The following IPO11 variants were observed in gnomAD, a reference collection of about 807,000 sequenced individuals.
IPO11 encodes importin-11.
A neutral mutation model predicts 143.2 loss-of-function variants in IPO11; 66 were observed. The ratio of observed to expected loss-of-function variants is 0.46; its 90% CI spans 0.38 to 0.57. The LOEUF (loss-of-function observed/expected upper bound fraction) is 0.57, where lower values mean the gene tolerates loss of function less well. Among genes scored for constraint, IPO11 ranks in the 20% least tolerant of loss-of-function variants. The pLI is 0.00. For missense variants in IPO11, 1,026 were observed against 1,141.0 expected, an observed-to-expected ratio of 0.90 and a Z score of 1.45; for synonymous variants, 385 against 377.8, an observed-to-expected ratio of 1.02 and a Z score of -0.22.
intron 1 of IPO11, chr5:62,418,922 C>A (rs1037276290): frequency 2.8e-6 from 4 of 1,421,732 alleles, no homozygotes; most frequent in African/African-American, 2.8e-5. Flanking sequence ...ATAGAAGATA[C>A]AGTCACGAGT....
chr5:62,452,564 A>AC (rs1191829071), intron 5 of IPO11, among the ~76,000 whole-genome samples: 1 of 150,942 alleles, frequency 6.6e-6, no homozygotes, highest in Non-Finnish European at 1.5e-5. Context: ...CGTCTGGGTA[A>AC]CTGAAGGATG....
At chr5:62,614,973 C>T (rs1746076265) in intron 29 of IPO11, among the ~76,000 whole-genome samples, 1 of 152,228 alleles carries the variant, frequency 6.6e-6, no homozygotes, top group South Asian at 2.1e-4. Flanking sequence ...TGGCCAATCT[C>T]CTTTCCTACC....
At chr5:62,623,796 C>G (rs751629033) in intron 29 of IPO11, among the ~76,000 whole-genome samples, 2 of 151,056 alleles carry the variant, frequency 1.3e-5, no homozygotes, top group Non-Finnish European at 3.0e-5. Context: ...TTGTATTTTT[C>G]TAGTAGAGAT....
chr5:62,600,186 C>G (rs1391514824), intron 28 of IPO11, among the ~76,000 whole-genome samples: 8 of 152,092 alleles, frequency 5.3e-5, no homozygotes, highest in African/African-American at 7.2e-5. Flanking sequence ...ATTACAGGAG[C>G]CTGCCACCAC....
At chr5:62,417,631 G>C (rs1278386984) in intron 1 of IPO11, among the ~76,000 whole-genome samples, 5 of 152,034 alleles carry the variant, frequency 3.3e-5, no homozygotes, top group Admixed American at 3.3e-4. Context: ...AAAACCTTCA[G>C]ATAAAAATCC....
chr5:62,506,006 G>C (rs1352856647), intron 18 of IPO11, among the ~76,000 whole-genome samples: 2 of 152,186 alleles, frequency 1.3e-5, no homozygotes, highest in African/African-American at 4.8e-5. Context: ...TTGTAGATGA[G>C]TTAAATTCTG....
chr5:62,536,606 C>G, intron 22 of IPO11, 96 bp from the exon 23 acceptor site: 1 of 1,393,234 alleles, frequency 7.2e-7, no homozygotes, highest in African/African-American at 1.5e-5. Context: ...CTAGAGTATG[C>G]AAATTAGTTT....
intron 1 of IPO11, among the ~76,000 whole-genome samples, chr5:62,427,825 C>T (rs1743813601): frequency 6.6e-6 from 1 of 152,094 alleles, no homozygotes; most frequent in Admixed American, 6.6e-5. Flanking sequence ...AGGTTGGGGG[C>T]TGGTGTCATA....
intron 19 of IPO11, among the ~76,000 whole-genome samples, chr5:62,508,482 T>C (rs1741636877): frequency 6.6e-6 from 1 of 152,004 alleles, no homozygotes; most frequent in South Asian, 2.1e-4. Flanking sequence ...AGCAAACATT[T>C]TGAGCCATCT....
At chr5:62,625,612 A>G (rs1746538502) in intron 29 of IPO11, among the ~76,000 whole-genome samples, 1 of 152,248 alleles carries the variant, frequency 6.6e-6, no homozygotes, top group African/African-American at 2.4e-5. Context: ...AGCCAAGAGC[A>G]TATGGAAGTA....
In IPO11 at chr5:62,487,830, T is replaced by G. The variant is rs758343039; in HGVS notation, c.1278T>G (p.Pro426=). ...ATGAATATAATCAGACTCTTACTCC[T>G]GTACTTCTAGAAATGATGCAAACAC... ...IFHEYNQTLT[P]VLLEMMQTLQ... is the part of the protein sequence containing the mutation. The change falls in exon 13 of 30, where the codon CCT becomes CCG. Residue 426 remains proline, a synonymous_variant. Coordinates refer to ENST00000325324, the MANE Select transcript of IPO11 (RefSeq NM_016338.5). The G allele has an allele frequency of 6.2e-7, 1 of 1,610,552 alleles. No individual in the cohort carries two copies. The highest frequency in any genetic ancestry group is 2.2e-5 in the East Asian group (1 of 44,724).
intron 29 of IPO11, among the ~76,000 whole-genome samples, chr5:62,609,086 A>G (rs1011164129): frequency 6.6e-6 from 1 of 152,130 alleles, no homozygotes; most frequent in Non-Finnish European, 1.5e-5. Flanking sequence ...CTGCTGGCTC[A>G]CCATGTTGGT....
chr5:62,501,585 G>T (rs1382946373), intron 16 of IPO11, among the ~76,000 whole-genome samples: 1 of 152,060 alleles, frequency 6.6e-6, no homozygotes, highest in Non-Finnish European at 1.5e-5. Flanking sequence ...AGGAGGAGAT[G>T]AATACATCAA....
At chr5:62,451,582 G>A in intron 4 of IPO11, 148 bp from the exon 5 acceptor site, 1 of 681,598 alleles carries the variant, frequency 1.5e-6, no homozygotes, top group Non-Finnish European at 2.5e-6. Flanking sequence ...GGGTCCATGG[G>A]CCACACTTTG....
intron 27 of IPO11, among the ~76,000 whole-genome samples, chr5:62,573,432 A>G (rs1338165408): frequency 2.6e-5 from 4 of 152,174 alleles, no homozygotes; most frequent in Admixed American, 1.3e-4. Flanking sequence ...TTCTGACTGT[A>G]TACTCCTTTT....
At chr5:62,418,408 C>T (rs1003503709) in intron 1 of IPO11, among the ~76,000 whole-genome samples, 11 of 152,130 alleles carry the variant, frequency 7.2e-5, no homozygotes, top group African/African-American at 2.2e-4. Flanking sequence ...CTGCCTCGGC[C>T]TTCTAAAGTA....
chr5:62,576,271 T>G (rs1744310985), intron 27 of IPO11: 1 of 154,358 alleles, frequency 6.5e-6, no homozygotes, highest in African/African-American at 2.4e-5. Context: ...CTTCCAGAAA[T>G]ACTTGCCTTT....
chr5:62,478,544 A>G (rs1746052917), intron 9 of IPO11, among the ~76,000 whole-genome samples: 1 of 152,188 alleles, frequency 6.6e-6, no homozygotes, highest in Non-Finnish European at 1.5e-5. Context: ...TATCATTTAA[A>G]TATCTAGTCA....
In IPO11 at chr5:62,465,493, A is replaced by G. The variant is rs148132339; in HGVS notation, c.517-1638A>G. ...CAGAGTGAATGTTTGCTTCTCTGCT[A>G]TAATACTACTTCATGGGAAAATGTC... On this transcript the variant is annotated intron_variant, in intron 5 of 29. Coordinates refer to ENST00000325324, the MANE Select transcript of IPO11 (RefSeq NM_016338.5). Among the ~76,000 whole-genome samples, 307 of 152,320 alleles carry G rather than the reference A, an allele frequency of 2.0e-3. 2 individuals are homozygous for G. Among genetic ancestry groups the G allele is most frequent in the African/African-American group, 7.2e-3 (299 of 41,566 alleles).
Sources: allele counts gnomAD v4.1 joint callset (sites outside exome capture counted in the v4.1 genomes callset), GRCh38; gene constraint gnomAD v4.1.1; transcripts MANE v1.5; gene names NCBI Gene and HGNC (gene_info 2026-07-23, HGNC 2026-07-21).